The following AKAP19 variants were observed in gnomAD, a reference collection of about 807,000 sequenced individuals.
The protein encoded by AKAP19 is A-kinase anchoring protein 19.
the AKAP19 span, among the ~76,000 whole-genome samples, chr2:189,975,864 T>C: frequency 6.6e-6 from 1 of 152,182 alleles, no homozygotes; most frequent in African/African-American, 2.4e-5. Flanking sequence ...GTACACTGGT[T>C]ATTCTAGTTA....
chr2:189,898,628 A>G, the AKAP19 span, among the ~76,000 whole-genome samples: 2 of 152,196 alleles, frequency 1.3e-5, no homozygotes, highest in African/African-American at 2.4e-5. Context: ...CAAGCTCTCA[A>G]GTTGGGAACA....
At chr2:189,957,539 A>G in the AKAP19 span, among the ~76,000 whole-genome samples, 2 of 152,226 alleles carry the variant, frequency 1.3e-5, no homozygotes, top group Non-Finnish European at 2.9e-5. Flanking sequence ...GAAAACAGCC[A>G]TTTAACTAGC....
chr2:189,993,112 C>G, the AKAP19 span, among the ~76,000 whole-genome samples: 1 of 152,152 alleles, frequency 6.6e-6, no homozygotes, highest in Admixed American at 6.5e-5. Context: ...TGGGGGAATG[C>G]TTTCAACTTT....
chr2:189,991,113 T>C, the AKAP19 span, among the ~76,000 whole-genome samples: 1 of 152,238 alleles, frequency 6.6e-6, no homozygotes, highest in African/African-American at 2.4e-5. Context: ...GCATTTAGAC[T>C]GGTTTTATAT....
At chr2:190,162,735 C>T in the AKAP19 span, among the ~76,000 whole-genome samples, 3 of 152,056 alleles carry the variant, frequency 2.0e-5, no homozygotes, top group Non-Finnish European at 2.9e-5. Context: ...ACTTAAGCTC[C>T]GATGGACATA....
chr2:190,119,309 C>A, the AKAP19 span, among the ~76,000 whole-genome samples: 1 of 152,276 alleles, frequency 6.6e-6, no homozygotes, highest in Non-Finnish European at 1.5e-5. Context: ...GGGAACCCCG[C>A]GCTTAGGTAG....
At chr2:189,921,814 A>G in the AKAP19 span, among the ~76,000 whole-genome samples, 1 of 152,204 alleles carries the variant, frequency 6.6e-6, no homozygotes, top group Non-Finnish European at 1.5e-5. Context: ...CTTCTCACAC[A>G]TAATGAAGAA....
At chr2:189,950,957 T>G in the AKAP19 span, among the ~76,000 whole-genome samples, 2 of 152,112 alleles carry the variant, frequency 1.3e-5, no homozygotes, top group African/African-American at 2.4e-5. Context: ...AATTTTCAAC[T>G]TTCTTTCATG....
At chr2:190,008,639 G>C in the AKAP19 span, among the ~76,000 whole-genome samples, 1 of 151,842 alleles carries the variant, frequency 6.6e-6, no homozygotes, top group Admixed American at 6.6e-5. Flanking sequence ...TTTATTGTAA[G>C]CTCATTCTAC....
the AKAP19 span, among the ~76,000 whole-genome samples, chr2:190,126,677 A>G: frequency 6.6e-6 from 1 of 152,170 alleles, no homozygotes; most frequent in Admixed American, 6.5e-5. Context: ...AGAGCACATT[A>G]TTAGGACTTT....
chr2:190,168,265 C>T, the AKAP19 span, among the ~76,000 whole-genome samples: 643 of 152,250 alleles, frequency 4.2e-3, 3 homozygotes, highest in African/African-American at 0.014. Context: ...GTGGCTGGAA[C>T]GCAGGGCACC....
the AKAP19 span, among the ~76,000 whole-genome samples, chr2:189,886,903 C>A: frequency 1.3e-5 from 2 of 152,092 alleles, no homozygotes; most frequent in African/African-American, 4.8e-5. Flanking sequence ...TTAGAGCACA[C>A]ACACAAAAAT....
the AKAP19 span, among the ~76,000 whole-genome samples, chr2:190,013,402 T>C: frequency 2.6e-5 from 4 of 152,190 alleles, no homozygotes; most frequent in Non-Finnish European, 4.4e-5. Context: ...TAATTGTTCA[T>C]GGTAATCTCT....
the AKAP19 span, chr2:189,924,201 C>A: frequency 7.4e-6 from 11 of 1,479,612 alleles, no homozygotes; most frequent in South Asian, 5.1e-5. Flanking sequence ...GCGCCAATGG[C>A]GAGGATGACT....
the AKAP19 span, among the ~76,000 whole-genome samples, chr2:190,194,734 T>TGTC: frequency 6.6e-6 from 1 of 152,232 alleles, no homozygotes; most frequent in Non-Finnish European, 1.5e-5. Flanking sequence ...GTCTTTTTAC[T>TGTC]GTCTCCAGAG....
At chr2:190,093,100 CA>C in the AKAP19 span, among the ~76,000 whole-genome samples, 2 of 151,978 alleles carry the variant, frequency 1.3e-5, no homozygotes, top group Non-Finnish European at 2.9e-5. Flanking sequence ...CTATAAGTAT[CA>C]GGGCACTAGA....
the AKAP19 span, among the ~76,000 whole-genome samples, chr2:189,918,018 T>C: frequency 1.3e-5 from 2 of 152,060 alleles, no homozygotes; most frequent in African/African-American, 2.4e-5. Flanking sequence ...ATACATAACT[T>C]ATCATTGTCC....
At chr2:190,079,777 C>G in the AKAP19 span, among the ~76,000 whole-genome samples, 1 of 151,842 alleles carries the variant, frequency 6.6e-6, no homozygotes, top group Non-Finnish European at 1.5e-5. Context: ...GGCCACTGCA[C>G]TCCAGCCTGG....
At chr2:189,905,685 C>G in the AKAP19 span, among the ~76,000 whole-genome samples, 21 of 152,020 alleles carry the variant, frequency 1.4e-4, no homozygotes, top group Admixed American at 1.0e-3. Flanking sequence ...AATTTCCAAG[C>G]TCTCATTAGC....
Sources: gnomAD v4.1 joint callset for allele counts (sites outside exome capture counted in the v4.1 genomes callset) on GRCh38, gnomAD v4.1.1 for gene constraint, MANE v1.5 for transcripts, NCBI Gene and HGNC (gene_info 2026-07-23, HGNC 2026-07-21) for gene names.